HYDIN: variants seen among roughly 807,000 people sequenced by gnomAD.
HYDIN encodes axonemal central pair apparatus protein HYDIN.
In HYDIN, 132 loss-of-function variants were observed where a neutral mutation model predicts 403.9. The ratio of observed to expected loss-of-function variants is 0.33; its 90% CI spans 0.28 to 0.38. The LOEUF is 0.38. HYDIN is among the 10% of genes least tolerant of loss of function. HYDIN has a pLI of 1.00. For missense variants in HYDIN, 2,827 were observed against 5,009.5 expected (o/e 0.56, Z 13.15); for synonymous variants, 1,202 against 1,891.7 (o/e 0.64, Z 9.46).
intron 45 of HYDIN, among the ~76,000 whole-genome samples, chr16:70,923,486 A>AG (rs1224437149): frequency 9.0e-6 from 1 of 111,268 alleles, no homozygotes; most frequent in East Asian, 2.3e-4. Context: ...AAAAAAAAAA[A>AG]AAAGAAAGAA....
In HYDIN at chr16:71,060,761, A is replaced by G. The variant is rs112901572; in HGVS notation, c.2377-105T>C. 583 of 733,562 alleles carry G rather than the reference A, an allele frequency of 7.9e-4. 6 individuals are homozygous for G. In the African/African-American group the frequency reaches 8.8e-3, roughly 11 times the overall value. 45.4% of individuals were successfully genotyped at this position (733,562 alleles called of 1,614,324 possible). ...AAGGGCAAAAGAGGATGCTTATGAGAACTGGCACCCCTTCCCACTGGTGTG... is the reference window on the plus strand; with the variant it reads ...AAGGGCAAAAGAGGATGCTTATGAGGACTGGCACCCCTTCCCACTGGTGTG... On this transcript the variant is annotated intron_variant, in intron 17 of 85. Transcript: ENST00000393567.
rs377585103 is a variant in HYDIN at position 70,805,420 on chromosome 16, C to T, written c.*2160G>A. ...GGCCACTCCGAATAACCAGGAGGCT[C>T]GAGGCTTTAGAGTCGTGGTTCTCAC... On this transcript the variant is annotated 3_prime_UTR_variant, in exon 86 of 86. Transcript: ENST00000393567. Among the ~76,000 whole-genome samples the T allele has an allele frequency of 4.6e-5, 7 of 152,140 alleles. No homozygotes were observed. Among genetic ancestry groups the T allele is most frequent in the Non-Finnish European group, 8.8e-5 (6 of 68,018 alleles).
At chr16:70,945,393 G>C (rs549405210) in intron 41 of HYDIN, among the ~76,000 whole-genome samples, 1 of 152,312 alleles carries the variant, frequency 6.6e-6, no homozygotes, top group South Asian at 2.1e-4. Flanking sequence ...TCACTTTTTG[G>C]ATATAAACAT....
rs111534970 is a variant in HYDIN at position 71,028,271 on chromosome 16, A to C, written c.2769-396T>G. Among the ~76,000 whole-genome samples the C allele has an allele frequency of 6.6e-4, 101 of 152,290 alleles. 2 individuals carry two copies. The highest frequency in any genetic ancestry group is 2.3e-3 in the African/African-American group (97 of 41,570). On this transcript the variant is annotated intron_variant, in intron 19 of 85. Transcript: ENST00000393567. ...TACTAGTGACTGAGTGGAATGTCCC[A>C]TAACAATGGGCTCAATTTGAAGGAA...
intron 1 of HYDIN, among the ~76,000 whole-genome samples, chr16:71,223,147 C>G (rs1287893809): frequency 6.6e-6 from 1 of 152,076 alleles, no homozygotes; most frequent in Non-Finnish European, 1.5e-5. Flanking sequence ...TAGAACAGAA[C>G]AGAGTACCCA....
At chr16:71,124,578 GAGAT>G (rs1166510782) in intron 9 of HYDIN, among the ~76,000 whole-genome samples, 3 of 150,666 alleles carry the variant, frequency 2.0e-5, no homozygotes, top group South Asian at 4.3e-4. Flanking sequence ...TTGAAGATGT[GAGAT>G]AGATAGATAT....
intron 18 of HYDIN, among the ~76,000 whole-genome samples, chr16:71,051,915 T>C (rs1178661277): frequency 6.6e-6 from 1 of 152,148 alleles, no homozygotes; most frequent in East Asian, 1.9e-4. Flanking sequence ...TAAATTATTA[T>C]CTAGTTAGAA....
chr16:70,874,641 G>C, intron 63 of HYDIN, 49 bp from the exon 64 acceptor site: 2 of 582,384 alleles, frequency 3.4e-6, no homozygotes, highest in Non-Finnish European at 5.6e-6. Flanking sequence ...TTCAAGAAAT[G>C]TGTATCTATA....
chr16:70,913,545 T>A (rs2076754081), intron 47 of HYDIN, among the ~76,000 whole-genome samples: 1 of 128,036 alleles, frequency 7.8e-6, no homozygotes, highest in Non-Finnish European at 1.6e-5. Context: ...TTGCGGCCTA[T>A]CATATGGTCT....
At chr16:70,925,201 T>G (rs573517271) in intron 45 of HYDIN, among the ~76,000 whole-genome samples, 23 of 152,226 alleles carry the variant, frequency 1.5e-4, no homozygotes, top group African/African-American at 5.1e-4. Flanking sequence ...GATAAAAACC[T>G]GGGGTGGGCA....
rs1417351547 is a variant in HYDIN, at chr16:70,805,800, C to T, written c.*1780G>A. On this transcript the variant is annotated 3_prime_UTR_variant, in exon 86 of 86. Transcript: ENST00000393567. ...GAAATAAATTGTCTATTGAGTATGG[C>T]AGTCCTCCTCATCTATGGCTTCAGT... Among the ~76,000 whole-genome samples the T allele has an allele frequency of 6.6e-6, 1 of 152,176 alleles. No homozygotes were observed. Among genetic ancestry groups the T allele is most frequent in the Non-Finnish European group, 1.5e-5 (1 of 68,038 alleles).
chr16:71,191,081 T>C (rs2087412989), intron 1 of HYDIN, among the ~76,000 whole-genome samples: 1 of 152,214 alleles, frequency 6.6e-6, no homozygotes, highest in Admixed American at 6.5e-5. Flanking sequence ...CTTGTTTGGA[T>C]TATGATTTTA....
intron 18 of HYDIN, among the ~76,000 whole-genome samples, chr16:71,034,296 G>C (rs949131036): frequency 6.6e-6 from 1 of 151,666 alleles, no homozygotes. Context: ...TAGCTCTATG[G>C]GGGCTCAGGT....
At chr16:70,965,976 G>A (rs1179985850) in intron 36 of HYDIN, among the ~76,000 whole-genome samples, 1 of 152,246 alleles carries the variant, frequency 6.6e-6, no homozygotes, top group Non-Finnish European at 1.5e-5. Context: ...TTATGGAACT[G>A]TGATAAAGCA....
chr16:70,971,169 T>A (rs1332821438), intron 35 of HYDIN, among the ~76,000 whole-genome samples: 3 of 152,134 alleles, frequency 2.0e-5, no homozygotes, highest in African/African-American at 7.2e-5. Flanking sequence ...AGGGCAAAAA[T>A]GCCAGGGAAA....
intron 10 of HYDIN, among the ~76,000 whole-genome samples, chr16:71,097,862 A>T (rs1163531119): frequency 6.6e-6 from 1 of 152,062 alleles, no homozygotes; most frequent in Non-Finnish European, 1.5e-5. Flanking sequence ...TGCTTAGAAC[A>T]GCCAAGTGAT....
At chr16:70,890,319 A>AC (rs1335691692) in intron 57 of HYDIN, among the ~76,000 whole-genome samples, 1 of 152,200 alleles carries the variant, frequency 6.6e-6, no homozygotes, top group Non-Finnish European at 1.5e-5. Flanking sequence ...GTGAAGTTCA[A>AC]CCCCCTTTCG....
At chr16:70,872,383 C>T (rs140126256) in intron 64 of HYDIN, among the ~76,000 whole-genome samples, 4 of 142,388 alleles carry the variant, frequency 2.8e-5, no homozygotes, top group Admixed American at 1.3e-4. Flanking sequence ...TCCATCCATC[C>T]ATCCATCCAT....
chr16:71,141,787 C>T (rs2085181907), intron 7 of HYDIN, among the ~76,000 whole-genome samples: 1 of 152,172 alleles, frequency 6.6e-6, no homozygotes, highest in African/African-American at 2.4e-5. Context: ...TTTTGCCCTA[C>T]ACCCCAGCAA....
Sources: gnomAD v4.1 joint callset for allele counts (sites outside exome capture counted in the v4.1 genomes callset) on GRCh38, gnomAD v4.1.1 for gene constraint, MANE v1.5 for transcripts, NCBI Gene and HGNC (gene_info 2026-07-23, HGNC 2026-07-21) for gene names.